The following PEAK1 variants were observed in gnomAD, a reference collection of about 807,000 sequenced individuals.
The protein encoded by PEAK1 is inactive tyrosine-protein kinase PEAK1.
Under a neutral mutation model 124.7 loss-of-function variants are expected in PEAK1, and 54 were observed. That is an observed-to-expected ratio of 0.43 (90% CI 0.35 to 0.54). PEAK1 has a LOEUF of 0.54. Ranked by LOEUF, PEAK1 falls within the 20% of genes least tolerant of loss-of-function variation. The pLI is 0.01. For missense variants in PEAK1, 2,046 were observed against 2,134.5 expected (o/e 0.96, Z 0.82); for synonymous variants, 719 against 760.0 (o/e 0.95, Z 0.89).
chr15:77,354,103 A>T (rs898556181), intron 2 of PEAK1, among the ~76,000 whole-genome samples: 2 of 151,792 alleles, frequency 1.3e-5, no homozygotes, highest in African/African-American at 4.8e-5. Context: ...TCAAGCCTCC[A>T]CCTCCCTCTA....
chr15:77,408,154 T>TACACACAC (rs55866391), intron 1 of PEAK1, among the ~76,000 whole-genome samples: 238 of 144,406 alleles, frequency 1.6e-3, no homozygotes, highest in Admixed American at 2.8e-3. Context: ...CATATATACA[T>TACACACAC]ACACACACAC....
At chr15:77,338,539 A>C (rs2066335960) in intron 2 of PEAK1, among the ~76,000 whole-genome samples, 1 of 152,094 alleles carries the variant, frequency 6.6e-6, no homozygotes, top group South Asian at 2.1e-4. Context: ...GCTTCTGTTG[A>C]GTATTCTTAA....
downstream of PEAK1, chr15:77,106,315 A>G (rs1013591285): frequency 6.6e-6 from 1 of 152,078 alleles, no homozygotes; most frequent in African/African-American, 2.4e-5. Flanking sequence ...CTTCTAAGCT[A>G]TATGTCTACG....
intron 2 of PEAK1, among the ~76,000 whole-genome samples, chr15:77,336,753 GA>G (rs754125580): frequency 6.6e-6 from 1 of 152,080 alleles, no homozygotes; most frequent in Non-Finnish European, 1.5e-5. Flanking sequence ...AGTGCCATCA[GA>G]AAAATGTATA....
At chr15:77,207,621 T>C (rs1336809632) in intron 6 of PEAK1, among the ~76,000 whole-genome samples, 2 of 151,862 alleles carry the variant, frequency 1.3e-5, no homozygotes, top group African/African-American at 2.4e-5. Context: ...TTCTGGAAAA[T>C]GCAAAACCAA....
At chr15:77,345,371 AC>A (rs2066812932) in intron 2 of PEAK1, among the ~76,000 whole-genome samples, 1 of 152,178 alleles carries the variant, frequency 6.6e-6, no homozygotes, top group Non-Finnish European at 1.5e-5. Flanking sequence ...CAAAACTAAT[AC>A]CCCCATTTTG....
intron 6 of PEAK1, among the ~76,000 whole-genome samples, chr15:77,209,287 G>C (rs893543270): frequency 1.3e-5 from 2 of 152,080 alleles, no homozygotes; most frequent in South Asian, 4.1e-4. Flanking sequence ...ACTAGCAAAC[G>C]GAGATTTTCA....
chr15:77,214,192 T>C (rs2059035011), intron 6 of PEAK1, among the ~76,000 whole-genome samples: 1 of 152,088 alleles, frequency 6.6e-6, no homozygotes, highest in East Asian at 1.9e-4. Context: ...TCATGAATAA[T>C]ATTATTATAA....
intron 2 of PEAK1, among the ~76,000 whole-genome samples, chr15:77,343,432 T>A (rs1597372027): frequency 6.6e-6 from 1 of 152,046 alleles, no homozygotes; most frequent in East Asian, 1.9e-4. Flanking sequence ...ACTCTGTTAA[T>A]AGTGTCCTTT....
intron 2 of PEAK1, among the ~76,000 whole-genome samples, chr15:77,330,280 T>G (rs187798996): frequency 6.6e-6 from 1 of 152,272 alleles, no homozygotes; most frequent in Non-Finnish European, 1.5e-5. Flanking sequence ...TCAAACTACT[T>G]CTCATCATTG....
chr15:77,112,442 G>GCTCA lies in PEAK1; in HGVS notation c.*1710_*1713dup, dbSNP rs1239506481. On this transcript the variant is annotated 3_prime_UTR_variant, in exon 10 of 10. Transcript: ENST00000682557. Reference sequence around the variant, plus strand: ...GCACTGGTAGATGAGGGGCCTCAGGGCTCACTCACTCACTAGGCACAGAGA... The same window carrying GCTCA: ...GCACTGGTAGATGAGGGGCCTCAGGGCTCACTCACTCACTCACTAGGCACAGAGA... 6.6e-6 allele frequency: 1 copy of GCTCA among 152,152 alleles called. No homozygotes were observed. Among genetic ancestry groups the GCTCA allele is most frequent in the Non-Finnish European group, 1.5e-5 (1 of 68,036 alleles). The allele number at this position is 152,152 out of a possible 1,614,324, so 9.4% of individuals were successfully genotyped here. A position where few individuals can be genotyped will look rare whatever the true frequency, so the allele number is the denominator to read the frequency against.
chr15:77,364,790 T>A (rs534893215), intron 2 of PEAK1, among the ~76,000 whole-genome samples: 35 of 152,344 alleles, frequency 2.3e-4, no homozygotes, highest in African/African-American at 8.2e-4. Flanking sequence ...CTCTTAATAA[T>A]GGCCCATTAA....
At chr15:77,375,780 A>G (rs932518932) in intron 1 of PEAK1, among the ~76,000 whole-genome samples, 1 of 151,972 alleles carries the variant, frequency 6.6e-6, no homozygotes, top group African/African-American at 2.4e-5. Context: ...TGGATCACGA[A>G]GTCAGGAGAT....
rs532699754 is a variant in PEAK1 at position 77,284,327 on chromosome 15, T to C, written c.-422-297A>G. On this transcript the variant is annotated intron_variant, in intron 4 of 9. Coordinates refer to ENST00000682557, the MANE Select transcript of PEAK1 (RefSeq NM_001385026.1). Reference sequence around the variant, plus strand: ...AACCAAAAATTCTTAGCTATTCACATGTGAAGCACATTTTAAAAATCTACT... The same window carrying C: ...AACCAAAAATTCTTAGCTATTCACACGTGAAGCACATTTTAAAAATCTACT... Among the ~76,000 whole-genome samples the C allele has an allele frequency of 1.2e-3, 184 of 152,370 alleles. 4 individuals are homozygous for C. In the South Asian group the frequency reaches 0.019, roughly 16 times the overall value.
chr15:77,245,575 TG>T (rs756658548), intron 6 of PEAK1, among the ~76,000 whole-genome samples: 1 of 152,050 alleles, frequency 6.6e-6, no homozygotes, highest in African/African-American at 2.4e-5. Context: ...GGCACACACC[TG>T]TAGTCCCAGC....
chr15:77,243,782 C>T (rs1028502510), intron 6 of PEAK1, among the ~76,000 whole-genome samples: 1 of 152,038 alleles, frequency 6.6e-6, no homozygotes, highest in Non-Finnish European at 1.5e-5. Flanking sequence ...CCAGCCTGAC[C>T]AACATGCAGA....
chr15:77,390,479 T>A lies in PEAK1; in HGVS notation c.-665-25254A>T, dbSNP rs1010186152. 2.0e-5 allele frequency among the ~76,000 whole-genome samples: 3 copies of A among 152,236 alleles called. No individual in the cohort carries two copies. The South Asian group carries it at 6.2e-4, about 31-fold the overall frequency. ...GAAGCTGATGTTATGTGCTATCATA[T>A]GCTCAACACACTTCCATGGGCACAG... On this transcript the variant is annotated intron_variant, in intron 1 of 9. Transcript: ENST00000682557.
intron 2 of PEAK1, among the ~76,000 whole-genome samples, chr15:77,298,230 T>C: frequency 2.2e-5 from 1 of 45,726 alleles, no homozygotes; most frequent in Non-Finnish European, 4.6e-5. Context: ...TTTTTTTTTT[T>C]TTTTTTGAGA....
At chr15:77,407,638 A>G (rs2142070471) in intron 1 of PEAK1, among the ~76,000 whole-genome samples, 1 of 152,276 alleles carries the variant, frequency 6.6e-6, no homozygotes, top group South Asian at 2.1e-4. Flanking sequence ...GAAAGGGAAC[A>G]CTTTTTACAC....
Sources: allele counts gnomAD v4.1 joint callset (sites outside exome capture counted in the v4.1 genomes callset), GRCh38; gene constraint gnomAD v4.1.1; transcripts MANE v1.5; gene names NCBI Gene and HGNC (gene_info 2026-07-23, HGNC 2026-07-21).